HEMK2: variants seen among roughly 807,000 people sequenced by gnomAD.
The protein encoded by HEMK2 is methyltransferase HEMK2.
At chr21:28,709,865 A>G in the HEMK2 span, among the ~76,000 whole-genome samples, 3 of 152,224 alleles carry the variant, frequency 2.0e-5, no homozygotes, top group East Asian at 1.9e-4. Flanking sequence ...GGAGAGGAGT[A>G]AAAAAGAGGA....
the HEMK2 span, chr21:28,874,610 T>A: frequency 6.6e-6 from 1 of 152,292 alleles, no homozygotes; most frequent in East Asian, 1.9e-4. Flanking sequence ...CAGGTGTGGC[T>A]GGAGAAAGAG....
chr21:28,841,263 ATATATATTATATAT>A, the HEMK2 span, among the ~76,000 whole-genome samples: 2 of 8,472 alleles, frequency 2.4e-4, no homozygotes, highest in African/African-American at 2.2e-3. Context: ...ATTATATATA[ATATATATTATATAT>A]TATATATAAT....
At chr21:28,761,393 T>C in the HEMK2 span, among the ~76,000 whole-genome samples, 1 of 152,132 alleles carries the variant, frequency 6.6e-6, no homozygotes, top group Non-Finnish European at 1.5e-5. Flanking sequence ...ATATTTTTAA[T>C]TGCAAGGACC....
the HEMK2 span, among the ~76,000 whole-genome samples, chr21:28,726,023 T>G: frequency 6.6e-6 from 1 of 152,204 alleles, no homozygotes; most frequent in East Asian, 1.9e-4. Context: ...CATGCTTATC[T>G]TGTTTTATAA....
the HEMK2 span, among the ~76,000 whole-genome samples, chr21:28,834,307 T>C: frequency 3.3e-5 from 5 of 152,208 alleles, no homozygotes; most frequent in South Asian, 2.1e-4. Flanking sequence ...CTACAGGACC[T>C]GGGAGACCCC....
At chr21:28,812,028 C>G in the HEMK2 span, among the ~76,000 whole-genome samples, 2 of 152,060 alleles carry the variant, frequency 1.3e-5, no homozygotes, top group African/African-American at 4.8e-5. Flanking sequence ...ATCCACGTGA[C>G]TATTGAAAAC....
At chr21:28,655,417 G>T in the HEMK2 span, among the ~76,000 whole-genome samples, 1 of 151,970 alleles carries the variant, frequency 6.6e-6, no homozygotes, top group African/African-American at 2.4e-5. Context: ...CTGACTCTAA[G>T]TAGTTTTAAA....
At chr21:28,765,949 A>T in the HEMK2 span, among the ~76,000 whole-genome samples, 144 of 152,248 alleles carry the variant, frequency 9.5e-4, no homozygotes, top group African/African-American at 3.4e-3. Flanking sequence ...TAATTCACAT[A>T]TACACCATGG....
At chr21:28,783,757 G>A in the HEMK2 span, among the ~76,000 whole-genome samples, 1 of 152,138 alleles carries the variant, frequency 6.6e-6, no homozygotes, top group Non-Finnish European at 1.5e-5. Context: ...GGTGTAGAGG[G>A]AGCAGCGCGG....
the HEMK2 span, among the ~76,000 whole-genome samples, chr21:28,855,665 C>T: frequency 6.6e-6 from 1 of 152,200 alleles, no homozygotes; most frequent in African/African-American, 2.4e-5. Flanking sequence ...ATCAAACACA[C>T]TCTCAGACCA....
chr21:28,639,747 A>G, the HEMK2 span, among the ~76,000 whole-genome samples: 1 of 152,232 alleles, frequency 6.6e-6, no homozygotes, highest in African/African-American at 2.4e-5. Flanking sequence ...TATTCAAATC[A>G]TGTTCAATAT....
chr21:28,849,245 T>A, the HEMK2 span, among the ~76,000 whole-genome samples: 1 of 152,070 alleles, frequency 6.6e-6, no homozygotes, highest in African/African-American at 2.4e-5. Flanking sequence ...GAGCTGAGGT[T>A]TGGCTCCCTG....
chr21:28,820,582 T>G, the HEMK2 span, among the ~76,000 whole-genome samples: 1,470 of 152,142 alleles, frequency 9.7e-3, 21 homozygotes, highest in Non-Finnish European at 0.012. Flanking sequence ...AGAAATAGAG[T>G]ATATAAACAC....
chr21:28,713,917 G>A, the HEMK2 span, among the ~76,000 whole-genome samples: 81,224 of 152,034 alleles, frequency 0.53, 23,551 homozygotes, highest in East Asian at 0.84. Flanking sequence ...CATTATATAC[G>A]CATATATAGC....
At chr21:28,725,683 G>T in the HEMK2 span, among the ~76,000 whole-genome samples, 1,346 of 152,274 alleles carry the variant, frequency 8.8e-3, 25 homozygotes, top group African/African-American at 0.031. Flanking sequence ...TCTGCCATCC[G>T]CAGTCCAGAT....
At chr21:28,814,680 G>C in the HEMK2 span, among the ~76,000 whole-genome samples, 6 of 152,120 alleles carry the variant, frequency 3.9e-5, no homozygotes, top group Non-Finnish European at 7.3e-5. Flanking sequence ...ACCACAACGA[G>C]ATACCATCTC....
At chr21:28,682,653 A>C in the HEMK2 span, among the ~76,000 whole-genome samples, 4 of 152,240 alleles carry the variant, frequency 2.6e-5, no homozygotes, top group Non-Finnish European at 4.4e-5. Context: ...GAACCAAGCC[A>C]AATGTCCAAC....
chr21:28,858,593 G>A, the HEMK2 span, among the ~76,000 whole-genome samples: 2 of 151,976 alleles, frequency 1.3e-5, no homozygotes, highest in Non-Finnish European at 2.9e-5. Flanking sequence ...GAAGGAAGGA[G>A]GGAGGGACGC....
At chr21:28,877,518 AAAAAG>A in the HEMK2 span, among the ~76,000 whole-genome samples, 42 of 144,982 alleles carry the variant, frequency 2.9e-4, no homozygotes, top group South Asian at 5.6e-3. Flanking sequence ...GACAGAAGGA[AAAAAG>A]AAAAGAGAAG....
Sources: gnomAD v4.1 joint callset for allele counts (sites outside exome capture counted in the v4.1 genomes callset) on GRCh38, gnomAD v4.1.1 for gene constraint, MANE v1.5 for transcripts, NCBI Gene and HGNC (gene_info 2026-07-23, HGNC 2026-07-21) for gene names.